Variants in DUSP29 observed in about 807,000 individuals in gnomAD.
The protein encoded by DUSP29 is dual specificity phosphatase 29.
A neutral mutation model predicts 13.5 loss-of-function variants in DUSP29; 12 were observed. The observed-to-expected ratio is 0.89, with a 90% CI of 0.57 to 1.44. The LOEUF is 1.44. DUSP29 is among the 40% of genes most tolerant of loss of function. DUSP29 has a pLI of 0.00. For synonymous variants in DUSP29, 134 were observed against 128.7 expected (o/e 1.04, Z -0.28); for missense variants, 308 against 301.1 (o/e 1.02, Z -0.17).
intron 1 of DUSP29, among the ~76,000 whole-genome samples, chr10:75,069,887 CA>C (rs5786164): frequency 0.55 from 78,543 of 142,240 alleles, 23,869 homozygotes; most frequent in East Asian, 0.94. Flanking sequence ...ACTAAAAATA[CA>C]AAAAAAAAAA....
chr10:75,049,200 G>A (rs1463574946), intron 2 of DUSP29, among the ~76,000 whole-genome samples: 1 of 151,340 alleles, frequency 6.6e-6, no homozygotes, highest in Non-Finnish European at 1.5e-5. Context: ...TGTAAATATA[G>A]CATGATTTGT....
At chr10:75,048,476 T>C (rs1036299668) in intron 2 of DUSP29, among the ~76,000 whole-genome samples, 20 of 151,762 alleles carry the variant, frequency 1.3e-4, no homozygotes, top group Non-Finnish European at 2.9e-5. Flanking sequence ...CACTGCTCAC[T>C]GCAACCTCCA....
intron 2 of DUSP29, among the ~76,000 whole-genome samples, chr10:75,055,060 G>A (rs951735937): frequency 6.6e-6 from 1 of 152,066 alleles, no homozygotes; most frequent in Non-Finnish European, 1.5e-5. Context: ...CAGGCTACTT[G>A]CAAACTCCTG....
intron 2 of DUSP29, among the ~76,000 whole-genome samples, chr10:75,048,219 T>A (rs1274031439): frequency 6.6e-6 from 1 of 152,192 alleles, no homozygotes; most frequent in Non-Finnish European, 1.5e-5. Flanking sequence ...TTGCAGTCCG[T>A]ATTCTTTGTC....
intron 2 of DUSP29, among the ~76,000 whole-genome samples, chr10:75,052,169 G>A (rs1846847468): frequency 6.6e-6 from 1 of 152,152 alleles, no homozygotes; most frequent in East Asian, 1.9e-4. Flanking sequence ...ACTAGAACAC[G>A]TCAGTTCTGC....
At chr10:75,045,926 C>T (rs549636393) in intron 2 of DUSP29, among the ~76,000 whole-genome samples, 40 of 152,068 alleles carry the variant, frequency 2.6e-4, no homozygotes, top group Admixed American at 7.2e-4. Context: ...GCCTGGGCAA[C>T]ATCATGAAAC....
At chr10:75,048,681 G>A (rs370643680) in intron 2 of DUSP29, among the ~76,000 whole-genome samples, 3 of 152,130 alleles carry the variant, frequency 2.0e-5, no homozygotes, top group African/African-American at 2.4e-5. Context: ...AGTCTTAACC[G>A]TGCAGTCTTG....
intron 3 of DUSP29, among the ~76,000 whole-genome samples, chr10:75,039,485 CAGCCGGG>C (rs1365096488): frequency 1.3e-5 from 2 of 152,190 alleles, no homozygotes; most frequent in Admixed American, 6.5e-5. Flanking sequence ...CACTACACTC[CAGCCGGG>C]GCGACAGAGC....
At chr10:75,065,489 C>T (rs578016390) in intron 1 of DUSP29, among the ~76,000 whole-genome samples, 123 of 152,168 alleles carry the variant, frequency 8.1e-4, no homozygotes, top group Middle Eastern at 3.4e-3. Context: ...CCACCCCACC[C>T]GGCTAAATTT....
intron 2 of DUSP29, among the ~76,000 whole-genome samples, chr10:75,044,418 G>A (rs150447474): frequency 6.6e-6 from 1 of 152,148 alleles, no homozygotes; most frequent in Non-Finnish European, 1.5e-5. Flanking sequence ...CTCTGAACCT[G>A]CTGGATGTTT....
At chr10:75,047,833 G>A (rs906185238) in intron 2 of DUSP29, among the ~76,000 whole-genome samples, 1 of 152,154 alleles carries the variant, frequency 6.6e-6, no homozygotes, top group African/African-American at 2.4e-5. Context: ...TGGAGATAAA[G>A]GCTATTGTTA....
chr10:75,058,636 A>T, intron 1 of DUSP29, 88 bp from the exon 2 acceptor site: 2 of 1,161,814 alleles, frequency 1.7e-6, no homozygotes, highest in South Asian at 1.6e-5. Flanking sequence ...GAATAAGCTT[A>T]TCTTAAAATT....
intron 1 of DUSP29, among the ~76,000 whole-genome samples, chr10:75,065,312 G>T (rs1301166141): frequency 6.6e-6 from 1 of 152,116 alleles, no homozygotes; most frequent in East Asian, 1.9e-4. Flanking sequence ...GCAGAGATTG[G>T]CTAGGGAGCA....
intron 1 of DUSP29, among the ~76,000 whole-genome samples, chr10:75,060,584 C>A (rs946919651): frequency 6.6e-6 from 1 of 152,078 alleles, no homozygotes; most frequent in Non-Finnish European, 1.5e-5. Context: ...TATTGCTTCT[C>A]TCTTTTACAA....
chr10:75,073,095 G>A (rs955049786), intron 1 of DUSP29, among the ~76,000 whole-genome samples: 3 of 151,966 alleles, frequency 2.0e-5, no homozygotes, highest in African/African-American at 4.8e-5. Context: ...TGACGCTTTT[G>A]TGTTACCTGG....
intron 2 of DUSP29, among the ~76,000 whole-genome samples, chr10:75,052,845 C>T (rs542942959): frequency 1.3e-5 from 2 of 152,354 alleles, no homozygotes; most frequent in South Asian, 2.1e-4. Context: ...ATTGTTAGAA[C>T]GTTTGCAGCC....
chr10:75,070,069 G>A (rs1346027611), intron 1 of DUSP29, among the ~76,000 whole-genome samples: 1 of 79,332 alleles, frequency 1.3e-5, no homozygotes, highest in African/African-American at 5.1e-5. Context: ...AAAGAAAGAA[G>A]AAAGGAAGGA....
chr10:75,054,740 A>G (rs1160317141), intron 2 of DUSP29, among the ~76,000 whole-genome samples: 1 of 152,166 alleles, frequency 6.6e-6, no homozygotes, highest in Non-Finnish European at 1.5e-5. Context: ...TATTTTACAC[A>G]CATTACCCAA....
At chr10:75,046,933 T>G (rs1404950214) in intron 2 of DUSP29, among the ~76,000 whole-genome samples, 1 of 152,234 alleles carries the variant, frequency 6.6e-6, no homozygotes, top group African/African-American at 2.4e-5. Flanking sequence ...CCATGAAGAC[T>G]GTTCTCTCTG....
Sources: allele counts gnomAD v4.1 joint callset (sites outside exome capture counted in the v4.1 genomes callset), GRCh38; gene constraint gnomAD v4.1.1; transcripts MANE v1.5; gene names NCBI Gene and HGNC (gene_info 2026-07-23, HGNC 2026-07-21).